Variants in SMG6 observed in about 807,000 individuals in gnomAD.
SMG6 encodes the protein telomerase-binding protein EST1A.
SMG6 carries 66 observed loss-of-function variants against 142.2 expected under a neutral mutation model. The ratio of observed to expected loss-of-function variants is 0.46; its 90% CI spans 0.38 to 0.57. The LOEUF is 0.57. SMG6 is among the 20% of genes least tolerant of loss of function. The pLI is 0.00. For synonymous variants in SMG6, 779 were observed against 702.4 expected (o/e 1.11, Z -1.72); for missense variants, 1,793 against 1,832.0 (o/e 0.98, Z 0.39).
Position 2,167,953 on chromosome 17 carries a change from A to G in SMG6, c.3357+4705T>C, listed in dbSNP as rs562551077. 2.0e-5 allele frequency among the ~76,000 whole-genome samples: 3 copies of G among 152,270 alleles called. No homozygotes were observed. In the East Asian group the frequency reaches 5.8e-4, roughly 29 times the overall value. On this transcript the variant is annotated intron_variant, in intron 13 of 18. Transcript: ENST00000263073. Reference sequence around the variant, plus strand: ...CAGTGGCGCAATCATAATGAGCACCAAACCCCTGCACTTAAAAAGTTCTCC... The same window carrying G: ...CAGTGGCGCAATCATAATGAGCACCGAACCCCTGCACTTAAAAAGTTCTCC...
intron 10 of SMG6, among the ~76,000 whole-genome samples, chr17:2,205,270 T>C (rs2072644092): frequency 6.6e-6 from 1 of 152,084 alleles, no homozygotes; most frequent in African/African-American, 2.4e-5. Context: ...AGTTTCACCA[T>C]GTTGGCCAGC....
intron 13 of SMG6, among the ~76,000 whole-genome samples, chr17:2,114,699 C>T (rs142643995): frequency 0.022 from 3,268 of 151,936 alleles, 56 homozygotes; most frequent in Non-Finnish European, 0.031. Context: ...GGGGCCAAGG[C>T]GGGTGGATCA....
intron 12 of SMG6, 100 bp from the exon 13 acceptor site, chr17:2,172,959 T>C (rs994048357): frequency 1.7e-6 from 2 of 1,166,292 alleles, no homozygotes; most frequent in African/African-American, 3.1e-5. Context: ...CAGCAAATGT[T>C]GTCTAGGCTG....
intron 8 of SMG6, among the ~76,000 whole-genome samples, chr17:2,275,335 T>A (rs1250154196): frequency 6.6e-6 from 1 of 152,118 alleles, no homozygotes; most frequent in East Asian, 1.9e-4. Flanking sequence ...GGCTGGAAGA[T>A]CACTTGAACT....
At chr17:2,127,105 C>T (rs2069917210) in intron 13 of SMG6, among the ~76,000 whole-genome samples, 1 of 143,816 alleles carries the variant, frequency 7.0e-6, no homozygotes, top group Non-Finnish European at 1.5e-5. Context: ...TGACACTGCA[C>T]TCCAGCCTGG....
rs553229597 is a variant in SMG6, at chr17:2,170,710, A to G, written c.3357+1948T>C. Among the ~76,000 whole-genome samples the G allele has an allele frequency of 2.6e-5, 4 of 152,352 alleles. No homozygotes were observed. In the East Asian group the frequency reaches 7.7e-4, roughly 29 times the overall value. ...TGATTCCCAAGATGTAGTAGCCATT[A>G]AGTGCATCCAAAGAGTATGAGTTTT... On this transcript the variant is annotated intron_variant, in intron 13 of 18. Transcript: ENST00000263073.
chr17:2,251,187 A>G (rs1387656429), intron 8 of SMG6, among the ~76,000 whole-genome samples: 2 of 152,082 alleles, frequency 1.3e-5, no homozygotes, highest in Non-Finnish European at 1.5e-5. Context: ...GAAACCCATC[A>G]GTAATGCAAT....
rs1296677322 is a variant in SMG6, at chr17:2,292,589, C to T, written c.2300G>A (p.Arg767His). 1.9e-6 allele frequency: 3 copies of T among 1,614,196 alleles called. No individual in the cohort carries two copies. The highest frequency in any genetic ancestry group is 2.5e-6 in the Non-Finnish European group (3 of 1,180,028). ...KAQHIAPKNG[R>H]PYNQLALLAV... is the part of the protein sequence containing the mutation. ...CAGCAAAGCCAACTGGTTATAGGGG[C>T]GCCCATTCTTGGGAGCAATGTGCTG... is the stretch of plus-strand genomic sequence containing the variant. The change falls in exon 6 of 19, where the codon CGC becomes CAC. Residue 767 changes from arginine to histidine, a missense_variant. By Grantham distance (29) the Arg-to-His change is conservative (BLOSUM62 0). Around this residue, in one of 3 missense-constraint regions of SMG6, gnomAD observed 1,597 missense variants for 1,584.6 expected, o/e 1.01. Coordinates refer to ENST00000263073, the MANE Select transcript of SMG6 (RefSeq NM_017575.5).
chr17:2,125,867 C>T (rs1212872870), intron 13 of SMG6, among the ~76,000 whole-genome samples: 5 of 149,868 alleles, frequency 3.3e-5, no homozygotes, highest in African/African-American at 7.4e-5. Context: ...GCACAAGAAT[C>T]GCTTGAACCT....
intron 13 of SMG6, among the ~76,000 whole-genome samples, chr17:2,086,519 A>G (rs2068565245): frequency 6.6e-6 from 1 of 152,220 alleles, no homozygotes; most frequent in Admixed American, 6.5e-5. Flanking sequence ...CAGGCAGAGC[A>G]GGTGGGGATG....
At chr17:2,160,092 A>G (rs892723761) in intron 13 of SMG6, among the ~76,000 whole-genome samples, 1 of 152,228 alleles carries the variant, frequency 6.6e-6, no homozygotes, top group Non-Finnish European at 1.5e-5. Context: ...CCTTATGCAG[A>G]ATATATAAAT....
chr17:2,181,367 G>T (rs953104406), intron 12 of SMG6, among the ~76,000 whole-genome samples: 2 of 152,232 alleles, frequency 1.3e-5, no homozygotes, highest in Non-Finnish European at 2.9e-5. Context: ...AAATAGCCAT[G>T]CCTTGGGGTC....
chr17:2,303,408 A>G (rs1327795360), intron 1 of SMG6: 3 of 1,248,096 alleles, frequency 2.4e-6, no homozygotes, highest in Non-Finnish European at 2.0e-6. Flanking sequence ...GGAGGCAGGA[A>G]TTCGGGCCAG....
At chr17:2,180,469 C>T (rs1345261899) in intron 12 of SMG6, among the ~76,000 whole-genome samples, 4 of 152,184 alleles carry the variant, frequency 2.6e-5, no homozygotes, top group African/African-American at 9.7e-5. Context: ...CTAATAAGTG[C>T]CACAGCGAGG....
chr17:2,179,108 T>G (rs1248788150), intron 12 of SMG6, among the ~76,000 whole-genome samples: 1 of 152,012 alleles, frequency 6.6e-6, no homozygotes, highest in Non-Finnish European at 1.5e-5. Context: ...CACTCAGCAC[T>G]TGGAGGAAGA....
chr17:2,152,805 G>A (rs929906675), intron 13 of SMG6, among the ~76,000 whole-genome samples: 4 of 152,118 alleles, frequency 2.6e-5, no homozygotes, highest in African/African-American at 7.2e-5. Context: ...TAAACCACCC[G>A]TTCCACTCCT....
At chr17:2,276,320 T>C (rs1379827762) in intron 8 of SMG6, among the ~76,000 whole-genome samples, 1 of 151,992 alleles carries the variant, frequency 6.6e-6, no homozygotes, top group Admixed American at 6.5e-5. Flanking sequence ...CATCTACAGC[T>C]ACCCCAGTTC....
chr17:2,251,674 A>T (rs1382413149), intron 8 of SMG6, among the ~76,000 whole-genome samples: 4 of 152,212 alleles, frequency 2.6e-5, no homozygotes, highest in Non-Finnish European at 4.4e-5. Context: ...TATCCCTCCT[A>T]GTTAAAGCCA....
At chr17:2,114,657 G>A (rs2069441817) in intron 13 of SMG6, among the ~76,000 whole-genome samples, 1 of 152,000 alleles carries the variant, frequency 6.6e-6, no homozygotes, top group Admixed American at 6.6e-5. Context: ...GGCCAGGCGC[G>A]GTGGCTCACA....
Sources: gnomAD v4.1 joint callset for allele counts (sites outside exome capture counted in the v4.1 genomes callset) on GRCh38, gnomAD v4.1.1 for gene constraint, gnomAD v4.1.1 regional missense constraint, MANE v1.5 for transcripts, NCBI Gene and HGNC (gene_info 2026-07-23, HGNC 2026-07-21) for gene names.